PRB3: variants seen among roughly 807,000 people sequenced by gnomAD.
PRB3 encodes the protein basic salivary proline-rich protein 3.
In PRB3, 9 loss-of-function variants were observed where a neutral mutation model predicts 10.0. The ratio of observed to expected loss-of-function variants is 0.90; its 90% CI spans 0.54 to 1.57. PRB3 has a LOEUF of 1.57. Ranked by LOEUF, PRB3 falls within the 40% of genes most tolerant of loss-of-function variation. The probability of loss-of-function intolerance (pLI) is 0.00; values close to 1 mark genes in which losing one functional copy is unlikely to be tolerated. For missense variants in PRB3, 285 were observed against 385.5 expected (o/e 0.74, Z 2.18); for synonymous variants, 89 against 138.6 (o/e 0.64, Z 2.52).
In PRB3 at chr12:11,267,453, T is replaced by C. The variant is rs191804141; in HGVS notation, c.796A>G (p.Lys266Glu). Reference protein sequence around the residue: ...QSQGPPPRPGKPEGPPSQGGN... With the variant: ...QSQGPPPRPGEPEGPPSQGGN... The stretch of plus-strand genomic sequence containing the variant: ...CCTTGTGAAGGTGGTCCTTCTGGCT[T>C]TCCTGGACGAGGTGGGGGACCTTGG... Residue 266 changes from lysine to glutamate, a missense_variant, in exon 3 of 4, where the codon AAG becomes GAG. Lys to Glu is a moderately conservative substitution (Grantham distance 56). Transcript: ENST00000538488. The C allele has an allele frequency of 2.8e-3, 4,340 of 1,535,148 alleles. 182 individuals are homozygous for C. The highest frequency in any genetic ancestry group is 3.6e-3 in the Non-Finnish European group (4,038 of 1,136,772).
At chr12:11,268,748 G>T in intron 1 of PRB3, 80 bp from the exon 2 acceptor site, 4 of 1,474,878 alleles carry the variant, frequency 2.7e-6, no homozygotes, top group Non-Finnish European at 3.8e-6. Flanking sequence ...AGGGAAAGGG[G>T]ACTTCTCACC....
intron 2 of PRB3, 139 bp downstream of exon 2, chr12:11,268,494 G>A: frequency 1.6e-6 from 2 of 1,223,942 alleles, no homozygotes; most frequent in Non-Finnish European, 2.4e-6. Flanking sequence ...AAGGTTGCAT[G>A]AAGATTGCCT....
At chr12:11,266,196 G>A (rs570237344) in intron 3 of PRB3, among the ~76,000 whole-genome samples, 167 bp from the exon 4 acceptor site, 1 of 152,264 alleles carries the variant, frequency 6.6e-6, no homozygotes, top group South Asian at 2.1e-4. Flanking sequence ...TCACTCTTTT[G>A]ATGCCCTTGC....
Position 11,267,950 on chromosome 12 carries a change from T to A in PRB3, c.299A>T (p.Glu100Val), listed in dbSNP as rs368609681. 9 of 1,563,058 alleles carry A rather than the reference T, an allele frequency of 5.8e-6. 1 individual carries two copies. The South Asian group carries it at 9.1e-5, about 16-fold the overall frequency. The change falls in exon 3 of 4, where the codon GAA becomes GTA. Residue 100 changes from glutamate (E) to valine (V), a missense_variant. Physicochemically the swap from Glu to Val is moderately radical, Grantham distance 121. Around this residue, in one of 3 missense-constraint regions of PRB3, gnomAD observed 147 missense variants for 129.4 expected, o/e 1.14. Transcript: ENST00000538488. ...QGPPPRPGKPEGQPPQGGNQS... is the reference protein window; with the variant it reads ...QGPPPRPGKPVGQPPQGGNQS... Reference sequence around the variant, plus strand: ...GTTTCCTCCTTGTGGGGGTTGTCCTTCTGGCTTTCCCGGACGAGGTGGGGG... The same window carrying A: ...GTTTCCTCCTTGTGGGGGTTGTCCTACTGGCTTTCCCGGACGAGGTGGGGG...
At chr12:11,268,188 C>A (rs942404421) in intron 2 of PRB3, 40 bp from the exon 3 acceptor site, 1 of 1,613,420 alleles carries the variant, frequency 6.2e-7, no homozygotes, top group South Asian at 1.1e-5. Context: ...GAATAGTTGC[C>A]GCAAATTTTT....
chr12:11,268,565 T>C, intron 2 of PRB3, 68 bp downstream of exon 2: 2 of 1,518,808 alleles, frequency 1.3e-6, no homozygotes, highest in South Asian at 2.2e-5. Flanking sequence ...GAGAAGACAC[T>C]GGAGAACTGA....
chr12:11,266,433 A>G (rs1317851762), intron 3 of PRB3, among the ~76,000 whole-genome samples: 3 of 152,248 alleles, frequency 2.0e-5, no homozygotes, highest in African/African-American at 7.2e-5. Context: ...AAATTGTAAA[A>G]GCAAACAGAA....
Position 11,268,152 on chromosome 12 carries a change from G to T in PRB3, c.101-4C>A. 1 of 1,317,656 alleles carries T rather than the reference G, an allele frequency of 7.6e-7. No individual in the cohort carries two copies. Among genetic ancestry groups the T allele is most frequent in the Non-Finnish European group, 1.0e-6 (1 of 999,268 alleles). The allele number at this position is 1,317,656 out of a possible 1,614,324, so 81.6% of individuals were successfully genotyped here. ...GGGCGTCGTCCTTCTGGCTTTCCTG[G>T]AGGAGGTGGACACACGGCATTCACT... On this transcript the variant is annotated splice_region_variant and splice_polypyrimidine_tract_variant and intron_variant, in intron 2 of 3. Transcript: ENST00000538488.
Position 11,267,693 on chromosome 12 carries a change from G to C in PRB3, c.556C>G (p.Pro186Ala). 6.6e-7 allele frequency: 1 copy of C among 1,506,008 alleles called. No individual in the cohort carries two copies. The highest frequency in any genetic ancestry group is 8.9e-7 in the Non-Finnish European group (1 of 1,127,912). The allele number at this position is 1,506,008 out of a possible 1,614,324, so 93.3% of individuals were successfully genotyped here. A position where few individuals can be genotyped will look rare whatever the true frequency, so the allele number is the denominator to read the frequency against. The change falls in exon 3 of 4, where the codon CCA becomes GCA. Residue 186 changes from proline (P) to alanine (A), a missense_variant. By Grantham distance (27) the Pro-to-Ala change is conservative. This residue lies in a region of PRB3 where 30 missense variants were observed against 149.2 expected (regional missense o/e 0.20). Transcript: ENST00000538488. ...PPPHPGKPEG[P>A]PPQGGNQSQG... is the part of the protein sequence containing the mutation. The stretch of plus-strand genomic sequence containing the variant: ...GACTGGTTTCCTCCTTGTGGGGGTG[G>C]TCCTTCTGGCTTTCCCGGATGAGGC...
rs1262857994 is a variant in PRB3 at position 11,268,094 on chromosome 12, G to A, written c.155C>T (p.Pro52Leu). 2 of 1,613,230 alleles carry A rather than the reference G, an allele frequency of 1.2e-6. No homozygotes were observed. Among genetic ancestry groups the A allele is most frequent in the Admixed American group, 3.3e-5 (2 of 59,924 alleles). Residue 52 changes from proline (P) to leucine (L), a missense_variant, in exon 3 of 4, where the codon CCT (proline) becomes CTT (leucine). This residue lies in a region of PRB3 where 147 missense variants were observed against 129.4 expected (regional missense o/e 1.14). Coordinates refer to ENST00000538488, the MANE Select transcript of PRB3 (RefSeq NM_001394862.1). ...TCGTCCTTCTGGCTTTCCTGGAGGA[G>A]GTGGGGTACGTTGGGGCTGGTTTCC... ...QGGNQPQRTP[P>L]PPGKPEGRPP...
intron 1 of PRB3, among the ~76,000 whole-genome samples, chr12:11,269,222 A>G (rs997876707): frequency 2.0e-5 from 3 of 152,164 alleles, no homozygotes; most frequent in African/African-American, 7.2e-5. Context: ...TATCTCCATC[A>G]TCAATGCTGA....
chr12:11,269,463 G>C, intron 1 of PRB3, 143 bp downstream of exon 1: 2 of 928,572 alleles, frequency 2.2e-6, no homozygotes, highest in Non-Finnish European at 3.5e-6. Flanking sequence ...TGTGGAATGA[G>C]GGCACAACAG....
intron 3 of PRB3, 44 bp downstream of exon 3, chr12:11,267,132 T>G (rs983986708): frequency 4.6e-6 from 7 of 1,538,224 alleles, no homozygotes; most frequent in Non-Finnish European, 6.3e-6. Flanking sequence ...GTTGGAGAAC[T>G]GTAACACTTA....
At chr12:11,266,364 A>G (rs1948586740) in intron 3 of PRB3, among the ~76,000 whole-genome samples, 1 of 152,250 alleles carries the variant, frequency 6.6e-6, no homozygotes, top group South Asian at 2.1e-4. Context: ...CACCCTCAGT[A>G]TCCAGTGACA....
rs71455364 is a variant in PRB3 at position 11,268,070 on chromosome 12, C to T, written c.179G>A (p.Arg60Gln). The T allele has an allele frequency of 1.3e-5, 20 of 1,539,222 alleles. 1 individual carries two copies. In the Admixed American group the frequency reaches 1.5e-4, roughly 11 times the overall value. Reference sequence around the variant, plus strand: ...GGACTGGTTGCCTCCTTGTGGGGGTCGTCCTTCTGGCTTTCCTGGAGGAGG... The same window carrying T: ...GGACTGGTTGCCTCCTTGTGGGGGTTGTCCTTCTGGCTTTCCTGGAGGAGG... ...TPPPPGKPEGRPPQGGNQSQG... is the reference protein window; with the variant it reads ...TPPPPGKPEGQPPQGGNQSQG... The change falls in exon 3 of 4, where the codon CGA becomes CAA. Residue 60 changes from arginine to glutamine, a missense_variant. Physicochemically the swap from Arg to Gln is conservative, Grantham distance 43. Coordinates refer to ENST00000538488, the MANE Select transcript of PRB3 (RefSeq NM_001394862.1).
In PRB3 at chr12:11,267,192, A is replaced by T. The variant is rs1283012871; in HGVS notation, c.*1T>A. 6.2e-7 allele frequency: 1 copy of T among 1,609,578 alleles called. No homozygotes were observed. Among genetic ancestry groups the T allele is most frequent in the Non-Finnish European group, 8.5e-7 (1 of 1,175,968 alleles). On this transcript the variant is annotated 3_prime_UTR_variant, in exon 3 of 4. Coordinates refer to ENST00000538488, the MANE Select transcript of PRB3 (RefSeq NM_001394862.1). ...GAATCATACCTGTCATTGAACCTTG[A>T]TTACTGGGGAGGCTGTCCCTGGGGA... is the stretch of plus-strand genomic sequence containing the variant.
intron 3 of PRB3, 25 bp from the exon 4 acceptor site, chr12:11,266,054 C>G: frequency 2.2e-6 from 1 of 455,126 alleles, no homozygotes; most frequent in Non-Finnish European, 4.4e-6. Flanking sequence ...CAAGGAATTT[C>G]ATAGAGCAGA....
chr12:11,269,640 C>T lies in PRB3; in HGVS notation c.30G>A (p.Leu10=), dbSNP rs746473955. The T allele has an allele frequency of 1.2e-6, 2 of 1,614,076 alleles. No homozygotes were observed. Among genetic ancestry groups the T allele is most frequent in the South Asian group, 2.2e-5 (2 of 91,084 alleles). The change falls in exon 1 of 4, where the codon CTG becomes CTA. Residue 10 remains leucine, a synonymous_variant. Coordinates refer to ENST00000538488, the MANE Select transcript of PRB3 (RefSeq NM_001394862.1). MLLILLSVA[L]LALSSAQSLN... is the part of the protein sequence containing the mutation. The stretch of plus-strand genomic sequence containing the variant: ...AGCTCTGAGCTGAGCTCAGGGCCAG[C>T]AGGGCCACCGACAGCAGAATCAGTA...
intron 3 of PRB3, among the ~76,000 whole-genome samples, 182 bp downstream of exon 3, chr12:11,266,994 T>G (rs990409160): frequency 1.3e-5 from 2 of 152,212 alleles, no homozygotes; most frequent in African/African-American, 4.8e-5. Flanking sequence ...CAGAGTTCCT[T>G]AAAGAGTTTG....
Sources: gnomAD v4.1 joint callset for allele counts (sites outside exome capture counted in the v4.1 genomes callset) on GRCh38, gnomAD v4.1.1 for gene constraint, gnomAD v4.1.1 regional missense constraint, MANE v1.5 for transcripts, NCBI Gene and HGNC (gene_info 2026-07-23, HGNC 2026-07-21) for gene names.